COLEC12: variants seen among roughly 807,000 people sequenced by gnomAD.
COLEC12 encodes collectin-12.
In COLEC12, 33 loss-of-function variants were observed where a neutral mutation model predicts 71.1. That is an observed-to-expected ratio of 0.46 (90% CI 0.35 to 0.62). The LOEUF (loss-of-function observed/expected upper bound fraction) is 0.62. Among genes scored for constraint, COLEC12 ranks in the 20% least tolerant of loss-of-function variants. COLEC12 has a pLI of 0.00. For missense variants in COLEC12, 765 were observed against 916.1 expected, an observed-to-expected ratio of 0.84 and a Z score of 2.13; for synonymous variants, 350 against 353.0, an observed-to-expected ratio of 0.99 and a Z score of 0.10.
At chr18:396,399 G>T (rs1915572737) in intron 2 of COLEC12, among the ~76,000 whole-genome samples, 2 of 152,182 alleles carry the variant, frequency 1.3e-5, no homozygotes, top group South Asian at 4.1e-4. Flanking sequence ...ACTCCAAGTG[G>T]CTTCTCTAAC....
chr18:360,080 C>A (rs1454014731), intron 2 of COLEC12, among the ~76,000 whole-genome samples: 1 of 152,088 alleles, frequency 6.6e-6, no homozygotes, highest in Non-Finnish European at 1.5e-5. Flanking sequence ...AGCAGTGCTT[C>A]TCAAACTTTG....
intron 2 of COLEC12, among the ~76,000 whole-genome samples, chr18:440,034 G>T (rs1916483623): frequency 6.6e-6 from 1 of 150,610 alleles, no homozygotes; most frequent in African/African-American, 2.4e-5. Flanking sequence ...CCATAAGAAA[G>T]AAGGAAATTC....
intron 4 of COLEC12, 139 bp from the exon 5 acceptor site, chr18:347,480 T>C: frequency 6.1e-6 from 4 of 654,514 alleles, no homozygotes; most frequent in Middle Eastern, 2.6e-4. Context: ...AGCTCTGCAT[T>C]AGTAAAATGT....
At position 410,439 on chromosome 18, in the gene COLEC12, C is replaced by G. The variant is rs543595277; in HGVS notation, c.59-52917G>C. Among the ~76,000 whole-genome samples the G allele has an allele frequency of 8.8e-5, 13 of 146,996 alleles. No homozygotes were observed. The South Asian group carries it at 1.9e-3, about 22-fold the overall frequency. ...CAGAACAACACATGGCTGAGTTGTT[C>G]TTCTTTTTTTTTTTTTTAAGACGGA... On this transcript the variant is annotated intron_variant, in intron 2 of 9. Coordinates refer to ENST00000400256, the MANE Select transcript of COLEC12 (RefSeq NM_130386.3).
rs150900053 is a variant in COLEC12, at chr18:385,561, G to C, written c.59-28039C>G. Among the ~76,000 whole-genome samples, 334 of 152,172 alleles carry C rather than the reference G, an allele frequency of 2.2e-3. 2 individuals carry two copies. The highest frequency in any genetic ancestry group is 7.6e-3 in the African/African-American group (315 of 41,504). On this transcript the variant is annotated intron_variant, in intron 2 of 9. Transcript: ENST00000400256. ...GCTGGTCTCGAACTCCTGACCTCGTGATCCACCCATCTTGGCCTCCCAAAG... is the reference window on the plus strand; with the variant it reads ...GCTGGTCTCGAACTCCTGACCTCGTCATCCACCCATCTTGGCCTCCCAAAG...
intron 2 of COLEC12, among the ~76,000 whole-genome samples, chr18:440,978 G>A (rs1916509189): frequency 1.3e-5 from 2 of 152,102 alleles, no homozygotes; most frequent in African/African-American, 4.8e-5. Context: ...GCCGGGCGTG[G>A]TGGCTCACGC....
Position 474,362 on chromosome 18 carries a change from G to C in COLEC12, c.58+6345C>G, listed in dbSNP as rs944209993. On this transcript the variant is annotated intron_variant, in intron 2 of 9. Transcript: ENST00000400256. ...GATATCCACGAAGGAGCGTTTAATG[G>C]TTTCTTTCACACGACTTTCTCTTCA... Among the ~76,000 whole-genome samples the C allele has an allele frequency of 2.0e-5, 3 of 152,316 alleles. No homozygotes were observed. The East Asian group carries it at 5.8e-4, about 29-fold the overall frequency.
chr18:446,557 T>A (rs199698791), intron 2 of COLEC12, among the ~76,000 whole-genome samples: 2,051 of 115,174 alleles, frequency 0.018, 61 homozygotes, highest in East Asian at 0.14. Flanking sequence ...AAAAAAAATT[T>A]TTTTTTTTTT....
Position 333,036 on chromosome 18 carries a change from G to T in COLEC12, c.1924C>A (p.Leu642Ile). The change falls in exon 7 of 10, where the codon CTT becomes ATT. Residue 642 changes from leucine to isoleucine, a missense_variant. By Grantham distance (5) the Leu-to-Ile change is conservative (BLOSUM62 2). Transcript: ENST00000400256. ...KLFCEDKSSH[L>I]VFINTREEQQ... ...TCCTCTCTAGTGTTTATGAAAACAA[G>T]ATGTGAAGACTTGTCTTCACAGAAA... is the stretch of plus-strand genomic sequence containing the variant. 1.2e-6 allele frequency: 2 copies of T among 1,606,542 alleles called. No individual in the cohort carries two copies. Among genetic ancestry groups the T allele is most frequent in the Non-Finnish European group, 1.7e-6 (2 of 1,177,976 alleles).
intron 2 of COLEC12, among the ~76,000 whole-genome samples, chr18:473,288 A>G (rs12960148): frequency 0.18 from 27,660 of 152,108 alleles, 2,602 homozygotes; most frequent in East Asian, 0.34. Flanking sequence ...AGAGGATCGT[A>G]GTTTTTTCTC....
intron 2 of COLEC12, among the ~76,000 whole-genome samples, chr18:369,727 A>C (rs896366929): frequency 6.6e-6 from 1 of 152,226 alleles, no homozygotes; most frequent in Non-Finnish European, 1.5e-5. Flanking sequence ...AGAATGTTTA[A>C]GGTTCAATTC....
At chr18:420,487 A>G (rs1916074744) in intron 2 of COLEC12, among the ~76,000 whole-genome samples, 1 of 152,196 alleles carries the variant, frequency 6.6e-6, no homozygotes, top group Non-Finnish European at 1.5e-5. Flanking sequence ...TTCTGTATAA[A>G]TACAGCAGAA....
At position 362,936 on chromosome 18, in the gene COLEC12, A is replaced by T. The variant is rs1914778152; in HGVS notation, c.59-5414T>A. ...GTTAACTCCTTGAGTATTCCATGGA[A>T]GTTCAGAATAGGCTGACAATTTGGT... On this transcript the variant is annotated intron_variant, in intron 2 of 9. Coordinates refer to ENST00000400256, the MANE Select transcript of COLEC12 (RefSeq NM_130386.3). This position sits in a 1 kb window ranked among gnomAD's most constrained non-coding sequence, Gnocchi z 4.6. Among the ~76,000 whole-genome samples, 1 of 152,166 alleles carries T rather than the reference A, an allele frequency of 6.6e-6. No homozygotes were observed. The highest frequency in any genetic ancestry group is 2.4e-5 in the African/African-American group (1 of 41,436).
intron 2 of COLEC12, among the ~76,000 whole-genome samples, chr18:398,687 T>C (rs143269548): frequency 1.0e-3 from 153 of 152,328 alleles, no homozygotes; most frequent in African/African-American, 3.6e-3. Flanking sequence ...CTGCTTATAA[T>C]GTGGGACTAT....
At chr18:400,281 G>A (rs538756269) in intron 2 of COLEC12, among the ~76,000 whole-genome samples, 4 of 152,172 alleles carry the variant, frequency 2.6e-5, no homozygotes, top group Admixed American at 6.5e-5. Flanking sequence ...ACAGTTTATA[G>A]GATAAGTAGA....
At chr18:421,766 T>G (rs111317893) in intron 2 of COLEC12, among the ~76,000 whole-genome samples, 369 of 152,272 alleles carry the variant, frequency 2.4e-3, no homozygotes, top group African/African-American at 8.5e-3. Flanking sequence ...ATCTAGACAT[T>G]CCTGCCAGTG....
intron 4 of COLEC12, 37 bp from the exon 5 acceptor site, chr18:347,378 A>T: frequency 6.4e-7 from 1 of 1,561,116 alleles, no homozygotes; most frequent in Non-Finnish European, 8.8e-7. Flanking sequence ...TATTGGTGGT[A>T]TGGAGAAGTG....
intron 2 of COLEC12, among the ~76,000 whole-genome samples, chr18:425,687 C>G (rs1916186678): frequency 6.6e-6 from 1 of 152,244 alleles, no homozygotes; most frequent in South Asian, 2.1e-4. Flanking sequence ...ACTAACCTCT[C>G]TGGAGCCATG....
At chr18:331,487 C>T (rs562429826) in intron 8 of COLEC12, among the ~76,000 whole-genome samples, 181 bp downstream of exon 8, 36 of 152,132 alleles carry the variant, frequency 2.4e-4, no homozygotes, top group Non-Finnish European at 4.3e-4. Flanking sequence ...TATTTGACAG[C>T]GTATCAACTG....
Sources: allele counts gnomAD v4.1 joint callset (sites outside exome capture counted in the v4.1 genomes callset), GRCh38; gene constraint gnomAD v4.1.1; non-coding constraint Gnocchi (gnomAD v3.1); transcripts MANE v1.5; gene names NCBI Gene and HGNC (gene_info 2026-07-23, HGNC 2026-07-21).